The following AADACL2 variants were observed in gnomAD, a reference collection of about 807,000 sequenced individuals.
AADACL2 encodes arylacetamide deacetylase-like 2.
Under a neutral mutation model 22.3 loss-of-function variants are expected in AADACL2, and 23 were observed. The ratio of observed to expected loss-of-function variants is 1.03; its 90% CI spans 0.74 to 1.46. The LOEUF (loss-of-function observed/expected upper bound fraction) is 1.46, where lower values mean the gene tolerates loss of function less well. Among genes scored for constraint, AADACL2 ranks in the 40% most tolerant of loss-of-function variants. The pLI, the probability that AADACL2 is intolerant of heterozygous loss-of-function variation, is 0.00. For synonymous variants in AADACL2, 177 were observed against 166.2 expected, an observed-to-expected ratio of 1.07 and a Z score of -0.50; for missense variants, 472 against 482.9, an observed-to-expected ratio of 0.98 and a Z score of 0.21.
At chr3:151,753,253 G>A (rs1169154933) in intron 4 of AADACL2, among the ~76,000 whole-genome samples, 1 of 152,122 alleles carries the variant, frequency 6.6e-6, no homozygotes, top group Non-Finnish European at 1.5e-5. Context: ...ACCTGGAAGT[G>A]GTATCACTGT....
Position 151,757,273 on chromosome 3 carries a change from T to C in AADACL2, c.885T>C (p.Tyr295=), listed in dbSNP as rs1029877973. ...ILLPEKYRKD[Y]VYTEPILGGL... Reference sequence around the variant, plus strand: ...TTCCTGAGAAGTATAGAAAAGACTATGTATATACTGAACCAATTCTTGGAG... The same window carrying C: ...TTCCTGAGAAGTATAGAAAAGACTACGTATATACTGAACCAATTCTTGGAG... The change falls in exon 5 of 5, where the codon TAT becomes TAC. Residue 295 remains tyrosine (Y), a synonymous_variant. Coordinates refer to ENST00000356517, the MANE Select transcript of AADACL2 (RefSeq NM_207365.4). 8 of 1,613,694 alleles carry C rather than the reference T, an allele frequency of 5.0e-6. No homozygotes were observed. Among genetic ancestry groups the C allele is most frequent in the East Asian group, 2.2e-5 (1 of 44,884 alleles).
chr3:151,740,509 G>T, intron 1 of AADACL2, 137 bp from the exon 2 acceptor site: 2 of 613,538 alleles, frequency 3.3e-6, no homozygotes, highest in Non-Finnish European at 2.7e-6. Flanking sequence ...AGTATTATTT[G>T]GAAATAATAT....
At chr3:151,737,087 A>G (rs1247985220) in intron 1 of AADACL2, among the ~76,000 whole-genome samples, 3 of 152,176 alleles carry the variant, frequency 2.0e-5, no homozygotes, top group African/African-American at 7.2e-5. Context: ...GCTTTCTGAT[A>G]TGGCCATTTA....
At chr3:151,746,902 C>A (rs1004439613) in intron 4 of AADACL2, among the ~76,000 whole-genome samples, 1 of 132,224 alleles carries the variant, frequency 7.6e-6, no homozygotes. Flanking sequence ...CACTTTTTGT[C>A]AGGTTTTTTT....
chr3:151,743,519 C>T (rs1374229259), intron 2 of AADACL2, among the ~76,000 whole-genome samples: 1 of 152,100 alleles, frequency 6.6e-6, no homozygotes, highest in African/African-American at 2.4e-5. Flanking sequence ...CACTGACCTG[C>T]CAGAGGCTCT....
chr3:151,748,693 C>T (rs1713542963), intron 4 of AADACL2, among the ~76,000 whole-genome samples: 1 of 152,168 alleles, frequency 6.6e-6, no homozygotes, highest in African/African-American at 2.4e-5. Context: ...TTTCTTTGCA[C>T]ATGCAGATAC....
chr3:151,740,248 G>A (rs935764140), intron 1 of AADACL2, among the ~76,000 whole-genome samples: 1 of 152,314 alleles, frequency 6.6e-6, no homozygotes, highest in South Asian at 2.1e-4. Context: ...GGGGGAGGGA[G>A]GTCCCCTGGC....
chr3:151,735,245 T>C (rs911090530), intron 1 of AADACL2, among the ~76,000 whole-genome samples: 2 of 152,222 alleles, frequency 1.3e-5, no homozygotes, highest in Non-Finnish European at 2.9e-5. Flanking sequence ...CTTGATTATC[T>C]AATTTGTATC....
chr3:151,751,825 AT>A (rs1196970797), intron 4 of AADACL2, among the ~76,000 whole-genome samples: 1 of 152,194 alleles, frequency 6.6e-6, no homozygotes, highest in East Asian at 1.9e-4. Flanking sequence ...CAGAGACGTG[AT>A]TCTTAGTAAA....
intron 4 of AADACL2, among the ~76,000 whole-genome samples, chr3:151,752,544 T>C (rs890691650): frequency 3.9e-5 from 6 of 152,244 alleles, no homozygotes; most frequent in Non-Finnish European, 7.3e-5. Context: ...TAGAAAACTC[T>C]TGTGGACATG....
chr3:151,741,140 A>C (rs1713267920), intron 2 of AADACL2, among the ~76,000 whole-genome samples: 1 of 152,148 alleles, frequency 6.6e-6, no homozygotes, highest in Admixed American at 6.5e-5. Flanking sequence ...TCAAAGGAAA[A>C]TAGGATATAA....
chr3:151,740,849 T>C lies in AADACL2; in HGVS notation c.342T>C (p.Gly114=). ...CTGTGATATATTTTCATGGTGGTGG[T>C]TTTTGTTTTGGAAGTTCCAGTAAGT... is the stretch of plus-strand genomic sequence containing the variant. ...RRAVIYFHGG[G]FCFGSSKQRA... The change falls in exon 2 of 5, where the codon GGT becomes GGC. Residue 114 remains glycine, a synonymous_variant. Transcript: ENST00000356517. 1 of 1,613,842 alleles carries C rather than the reference T, an allele frequency of 6.2e-7. No individual in the cohort carries two copies. Among genetic ancestry groups the C allele is most frequent in the Non-Finnish European group, 8.5e-7 (1 of 1,179,874 alleles).
chr3:151,740,316 G>A (rs1713236530), intron 1 of AADACL2, among the ~76,000 whole-genome samples: 1 of 152,186 alleles, frequency 6.6e-6, no homozygotes, highest in Non-Finnish European at 1.5e-5. Flanking sequence ...CCCTCTGTGG[G>A]CTGCACCCAC....
chr3:151,756,235 G>A (rs76239328), intron 4 of AADACL2, among the ~76,000 whole-genome samples: 1 of 152,078 alleles, frequency 6.6e-6, no homozygotes, highest in East Asian at 1.9e-4. Flanking sequence ...AGGGTCATAG[G>A]TGAGACCTCA....
At chr3:151,748,046 T>A (rs1022081369) in intron 4 of AADACL2, among the ~76,000 whole-genome samples, 4 of 152,202 alleles carry the variant, frequency 2.6e-5, no homozygotes, top group Non-Finnish European at 5.9e-5. Context: ...TGAAATATTT[T>A]CTCCTACTTT....
At chr3:151,743,098 T>C (rs1254711001) in intron 2 of AADACL2, among the ~76,000 whole-genome samples, 3 of 152,196 alleles carry the variant, frequency 2.0e-5, no homozygotes, top group Non-Finnish European at 2.9e-5. Flanking sequence ...TTAGGTCTTG[T>C]ACATTTTGGT....
chr3:151,745,360 T>G lies in AADACL2; in HGVS notation c.432-149T>G, dbSNP rs1240365049. ...AAACCTTATACTTTATTAAAATAAT[T>G]TTCATTTTAATCAAGAGTTAGTAGA... On this transcript the variant is annotated intron_variant, in intron 3 of 4. Coordinates refer to ENST00000356517, the MANE Select transcript of AADACL2 (RefSeq NM_207365.4). 7.9e-6 allele frequency: 6 copies of G among 756,124 alleles called. No homozygotes were observed. In the South Asian group the frequency reaches 1.2e-4, roughly 15 times the overall value. 46.8% of individuals were successfully genotyped at this position (756,124 alleles called of 1,614,324 possible).
At chr3:151,739,471 G>A (rs541067739) in intron 1 of AADACL2, among the ~76,000 whole-genome samples, 3 of 152,332 alleles carry the variant, frequency 2.0e-5, no homozygotes, top group Admixed American at 1.3e-4. Context: ...GGAGGCACAG[G>A]GGTCAGCGAA....
intron 4 of AADACL2, among the ~76,000 whole-genome samples, chr3:151,748,547 G>C (rs1287566665): frequency 6.6e-6 from 1 of 152,184 alleles, no homozygotes; most frequent in Non-Finnish European, 1.5e-5. Flanking sequence ...TTCGTGAATA[G>C]ATTAATGCCC....
Sources: gnomAD v4.1 joint callset for allele counts (sites outside exome capture counted in the v4.1 genomes callset) on GRCh38, gnomAD v4.1.1 for gene constraint, MANE v1.5 for transcripts, NCBI Gene and HGNC (gene_info 2026-07-23, HGNC 2026-07-21) for gene names.